GULP1: variants seen among roughly 807,000 people sequenced by gnomAD.
GULP1 encodes the protein GULP PTB domain containing engulfment adaptor 1, also known as PTB domain-containing engulfment adapter protein 1.
GULP1 carries 19 observed loss-of-function variants against 40.9 expected under a neutral mutation model. The ratio of observed to expected loss-of-function variants is 0.46; its 90% CI spans 0.32 to 0.68. The LOEUF is 0.68. Among genes scored for constraint, GULP1 ranks in the 30% least tolerant of loss-of-function variants. The pLI is 0.03. For synonymous variants in GULP1, 119 were observed against 117.6 expected, an observed-to-expected ratio of 1.01 and a Z score of -0.08; for missense variants, 312 against 362.2, an observed-to-expected ratio of 0.86 and a Z score of 1.12.
chr2:188,414,758 T>C (rs1391046450), intron 2 of GULP1, among the ~76,000 whole-genome samples: 1 of 152,244 alleles, frequency 6.6e-6, no homozygotes, highest in African/African-American at 2.4e-5. Flanking sequence ...TCTGTGTTAA[T>C]GAATCTGTGT....
At chr2:188,513,322 T>G (rs2064799411) in intron 4 of GULP1, among the ~76,000 whole-genome samples, 1 of 152,166 alleles carries the variant, frequency 6.6e-6, no homozygotes, top group Non-Finnish European at 1.5e-5. Flanking sequence ...ATTTCCCATC[T>G]GTGTTTTATA....
intron 2 of GULP1, among the ~76,000 whole-genome samples, chr2:188,419,420 G>A (rs974148339): frequency 5.9e-5 from 9 of 152,090 alleles, no homozygotes; most frequent in East Asian, 1.9e-4. Context: ...GTGATATCTC[G>A]TGGTTTTGAT....
intron 4 of GULP1, among the ~76,000 whole-genome samples, chr2:188,507,241 T>C (rs1310341631): frequency 1.3e-5 from 2 of 151,936 alleles, no homozygotes; most frequent in Non-Finnish European, 2.9e-5. Context: ...TTAATCATGA[T>C]TAAGTGGCAG....
At chr2:188,492,886 G>C (rs576704745) in intron 4 of GULP1, among the ~76,000 whole-genome samples, 2 of 152,118 alleles carry the variant, frequency 1.3e-5, no homozygotes, top group South Asian at 2.1e-4. Flanking sequence ...AATTTTGACA[G>C]TAATGCATAT....
chr2:188,469,777 A>G (rs1336774494), intron 2 of GULP1, among the ~76,000 whole-genome samples: 3 of 152,036 alleles, frequency 2.0e-5, no homozygotes, highest in Admixed American at 2.0e-4. Context: ...GTTGAATTTT[A>G]TCAAATGCTT....
At chr2:188,540,038 A>T (rs1479089118) in intron 6 of GULP1, among the ~76,000 whole-genome samples, 2 of 152,096 alleles carry the variant, frequency 1.3e-5, no homozygotes, top group Admixed American at 6.6e-5. Flanking sequence ...TTTGGGGGAT[A>T]TTCAGCCAGC....
At chr2:188,468,864 A>C (rs2060349632) in intron 2 of GULP1, among the ~76,000 whole-genome samples, 1 of 152,218 alleles carries the variant, frequency 6.6e-6, no homozygotes, top group Non-Finnish European at 1.5e-5. Flanking sequence ...AAATATGCCA[A>C]CTATAAGATC....
chr2:188,352,610 T>C (rs866208080), intron 1 of GULP1, among the ~76,000 whole-genome samples: 1 of 40,730 alleles, frequency 2.5e-5, no homozygotes, highest in Admixed American at 3.7e-4. Flanking sequence ...TTTCTCTCTC[T>C]CTCTCTCTCA....
chr2:188,481,109 T>C (rs2061414738), intron 3 of GULP1, among the ~76,000 whole-genome samples: 2 of 151,982 alleles, frequency 1.3e-5, no homozygotes, highest in African/African-American at 2.4e-5. Context: ...ATTTGTCAAA[T>C]ATGTTGAAAT....
chr2:188,334,581 A>G (rs2042026054), intron 1 of GULP1, among the ~76,000 whole-genome samples: 1 of 152,186 alleles, frequency 6.6e-6, no homozygotes, highest in Non-Finnish European at 1.5e-5. Context: ...TCTAGTCCTG[A>G]TGTGTCTGAG....
chr2:188,454,529 G>T (rs953497492), intron 2 of GULP1, among the ~76,000 whole-genome samples: 1 of 152,204 alleles, frequency 6.6e-6, no homozygotes, highest in African/African-American at 2.4e-5. Flanking sequence ...GATTTACCCA[G>T]GACAGCCTTT....
At chr2:188,519,813 C>CT (rs200631271) in intron 4 of GULP1, among the ~76,000 whole-genome samples, 1,827 of 151,446 alleles carry the variant, frequency 0.012, 15 homozygotes, top group East Asian at 0.022. Flanking sequence ...GATTCTTTCT[C>CT]TTTTTTTTTA....
At chr2:188,409,352 GTA>G (rs1422670233) in intron 2 of GULP1, among the ~76,000 whole-genome samples, 2 of 152,076 alleles carry the variant, frequency 1.3e-5, no homozygotes, top group East Asian at 3.9e-4. Flanking sequence ...CTTGGATAAG[GTA>G]GAAGTAATGG....
At chr2:188,514,528 C>T (rs1291459377) in intron 4 of GULP1, among the ~76,000 whole-genome samples, 1 of 152,084 alleles carries the variant, frequency 6.6e-6, no homozygotes, top group Non-Finnish European at 1.5e-5. Flanking sequence ...ACTTGCCAGA[C>T]AACACATAAC....
chr2:188,303,351 T>A (rs1425560853), intron 1 of GULP1, among the ~76,000 whole-genome samples: 1 of 152,136 alleles, frequency 6.6e-6, no homozygotes, highest in Non-Finnish European at 1.5e-5. Context: ...GTTAACCAAG[T>A]AGTTTAAGCA....
At chr2:188,450,603 G>T (rs1026343203) in intron 2 of GULP1, among the ~76,000 whole-genome samples, 1 of 151,882 alleles carries the variant, frequency 6.6e-6, no homozygotes, top group African/African-American at 2.4e-5. Context: ...GCTAAAGTGG[G>T]TGCACTCAGT....
chr2:188,411,811 C>G (rs1416650089), intron 2 of GULP1, among the ~76,000 whole-genome samples: 1 of 152,222 alleles, frequency 6.6e-6, no homozygotes, highest in African/African-American at 2.4e-5. Context: ...ACAAGGTGCA[C>G]TGCTCGAAAT....
intron 1 of GULP1, among the ~76,000 whole-genome samples, chr2:188,381,791 T>C (rs141101014): frequency 5.8e-4 from 88 of 152,330 alleles, no homozygotes; most frequent in African/African-American, 2.1e-3. Context: ...CTTTTAACTA[T>C]GTGTCATGCT....
chr2:188,486,621 T>C (rs974158299), intron 4 of GULP1, among the ~76,000 whole-genome samples: 1 of 151,986 alleles, frequency 6.6e-6, no homozygotes, highest in African/African-American at 2.4e-5. Flanking sequence ...ATTCTTTCAA[T>C]TTATGGAACA....
Sources: allele counts gnomAD v4.1 joint callset (sites outside exome capture counted in the v4.1 genomes callset), GRCh38; gene constraint gnomAD v4.1.1; transcripts MANE v1.5; gene names NCBI Gene and HGNC (gene_info 2026-07-23, HGNC 2026-07-21).